The following ITPR3 variants were observed in gnomAD, a reference collection of about 807,000 sequenced individuals.
The protein encoded by ITPR3 is inositol 1,4,5-trisphosphate-gated calcium channel ITPR3.
Under a neutral mutation model 293.2 loss-of-function variants are expected in ITPR3, and 173 were observed. The ratio of observed to expected loss-of-function variants is 0.59; its 90% confidence interval spans 0.52 to 0.67. ITPR3 has a LOEUF of 0.67. Among genes scored for constraint, ITPR3 ranks in the 30% least tolerant of loss-of-function variants. The pLI is 0.00. For synonymous variants in ITPR3, 1,295 were observed against 1,444.4 expected (o/e 0.90, Z 2.35); for missense variants, 2,796 against 3,592.1 (o/e 0.78, Z 5.66).
Position 33,652,064 on chromosome 6 carries a change from C to T in ITPR3, c.161-3702C>T, listed in dbSNP as rs375563044. Among the ~76,000 whole-genome samples, 3 of 152,158 alleles carry T rather than the reference C, an allele frequency of 2.0e-5. No homozygotes were observed. The East Asian group carries it at 5.8e-4, about 29-fold the overall frequency. On this transcript the variant is annotated intron_variant, in intron 2 of 57. Coordinates refer to ENST00000605930, the MANE Select transcript of ITPR3 (RefSeq NM_002224.4). ...AGGACCTGTGGGCTCAGACACAGGG[C>T]CCTGCACCTCTCAGCCCTTCCGGTC...
At position 33,664,718 on chromosome 6, in the gene ITPR3, A is replaced by G; in HGVS notation, c.1149-152A>G. ...GTTCTTATCTGGCTTCAGCCTCCTC[A>G]TCTGGAGGGGCACCAGTGGCTCCTG... On this transcript the variant is annotated intron_variant, in intron 11 of 57. Coordinates refer to ENST00000605930, the MANE Select transcript of ITPR3 (RefSeq NM_002224.4). This position sits in a 1 kb window ranked among gnomAD's most constrained non-coding sequence, Gnocchi z 4.4. The G allele has an allele frequency of 1.5e-6, 1 of 680,224 alleles. No homozygotes were observed. The allele number at this position is 680,224 out of a possible 1,614,324, so 42.1% of individuals were successfully genotyped here.
Position 33,684,070 on chromosome 6 carries a change from G to T in ITPR3, c.4839G>T (p.Glu1613Asp). ...EERLKPLVQAELSVLVDVLHW... is the reference protein window; with the variant it reads ...EERLKPLVQADLSVLVDVLHW... ...GGCTGAAGCCCCTGGTACAGGCTGAGCTGTCCGTGCTGGTGGATGTCCTGC... is the reference window on the plus strand; with the variant it reads ...GGCTGAAGCCCCTGGTACAGGCTGATCTGTCCGTGCTGGTGGATGTCCTGC... Residue 1613 changes from glutamate to aspartate, a missense_variant, in exon 36 of 58, where the codon GAG becomes GAT. By Grantham distance (45) the Glu-to-Asp change is conservative. This residue lies in a region of ITPR3 where 704 missense variants were observed against 797.5 expected (regional missense o/e 0.88). Coordinates refer to ENST00000605930, the MANE Select transcript of ITPR3 (RefSeq NM_002224.4). The surrounding 1 kb of genome is among the most constrained non-coding windows in gnomAD (Gnocchi z 4.2). 1 of 1,611,550 alleles carries T rather than the reference G, an allele frequency of 6.2e-7. No homozygotes were observed.
At chr6:33,689,951 C>G in intron 50 of ITPR3, 83 bp from the exon 51 acceptor site, 3 of 1,535,958 alleles carry the variant, frequency 2.0e-6, no homozygotes, top group Non-Finnish European at 2.7e-6. Context: ...CTCCCAGGCT[C>G]TGAGCTGGGC....
In ITPR3 at chr6:33,692,241, C is replaced by T. The variant is rs1765415441; in HGVS notation, c.7458+313C>T. Among the ~76,000 whole-genome samples the T allele has an allele frequency of 6.6e-6, 1 of 152,258 alleles. No individual in the cohort carries two copies. Among genetic ancestry groups the T allele is most frequent in the Non-Finnish European group, 1.5e-5 (1 of 68,046 alleles). ...GAGGGCGGAGCTGAGTCAGCTTTAT[C>T]AGGAGGCCTCATGATTTGGCTTGGG... On this transcript the variant is annotated intron_variant, in intron 54 of 57. Coordinates refer to ENST00000605930, the MANE Select transcript of ITPR3 (RefSeq NM_002224.4). This position sits in a 1 kb window ranked among gnomAD's most constrained non-coding sequence, Gnocchi z 4.2.
At chr6:33,674,844 T>C (rs1261631320) in intron 24 of ITPR3, among the ~76,000 whole-genome samples, 2 of 152,238 alleles carry the variant, frequency 1.3e-5, no homozygotes, top group Non-Finnish European at 2.9e-5. Flanking sequence ...ATACGTAAAG[T>C]AGCGAGCTGC....
Position 33,638,129 on chromosome 6 carries a change from C to T in ITPR3, c.90-2355C>T, listed in dbSNP as rs970355384. On this transcript the variant is annotated intron_variant, in intron 1 of 57. Coordinates refer to ENST00000605930, the MANE Select transcript of ITPR3 (RefSeq NM_002224.4). This position sits in a 1 kb window ranked among gnomAD's most constrained non-coding sequence, Gnocchi z 4.3. ...CAAGCGATTCTTCTGCCTCAGCTTC[C>T]TGTGTAGCTGGGATTACAGGCGCGC... Among the ~76,000 whole-genome samples, 1 of 152,178 alleles carries T rather than the reference C, an allele frequency of 6.6e-6. No individual in the cohort carries two copies. The highest frequency in any genetic ancestry group is 1.5e-5 in the Non-Finnish European group (1 of 68,030).
At chr6:33,648,801 C>T (rs546086654) in intron 2 of ITPR3, among the ~76,000 whole-genome samples, 1 of 152,240 alleles carries the variant, frequency 6.6e-6, no homozygotes, top group South Asian at 2.1e-4. Context: ...CACCAAGTTG[C>T]CCAGGCTGGT....
rs1475916952 is a variant in ITPR3 at position 33,657,927 on chromosome 6, T to C, written c.283-5T>C. On this transcript the variant is annotated splice_polypyrimidine_tract_variant and splice_region_variant and intron_variant, in intron 3 of 57. Coordinates refer to ENST00000605930, the MANE Select transcript of ITPR3 (RefSeq NM_002224.4). ...CACCCTTCACTTCTGTGTGTGTCTGTGCAGCATGCGGCGCAGATGGAGCAG... is the reference window on the plus strand; with the variant it reads ...CACCCTTCACTTCTGTGTGTGTCTGCGCAGCATGCGGCGCAGATGGAGCAG... 10 of 1,612,902 alleles carry C rather than the reference T, an allele frequency of 6.2e-6. No individual in the cohort carries two copies. The highest frequency in any genetic ancestry group is 1.3e-5 in the African/African-American group (1 of 74,828).
In ITPR3 at chr6:33,691,257, C is replaced by T. The variant is rs990768293; in HGVS notation, c.7225+148C>T. 2.7e-6 allele frequency: 2 copies of T among 743,580 alleles called. No homozygotes were observed. Among genetic ancestry groups the T allele is most frequent in the African/African-American group, 1.8e-5 (1 of 56,652 alleles). 46.1% of individuals were successfully genotyped at this position (743,580 alleles called of 1,614,324 possible). ...GGCTTCTGGGGACGTCTAGCTAACACCAGTCTGCCTCGCTCTTTTCTGGAA... is the reference window on the plus strand; with the variant it reads ...GGCTTCTGGGGACGTCTAGCTAACATCAGTCTGCCTCGCTCTTTTCTGGAA... On this transcript the variant is annotated intron_variant, in intron 52 of 57. Transcript: ENST00000605930. This position sits in a 1 kb window ranked among gnomAD's most constrained non-coding sequence, Gnocchi z 4.9.
Position 33,684,374 on chromosome 6 carries a change from A to G in ITPR3, c.4955A>G (p.Lys1652Arg). The change falls in exon 37 of 58, where the codon AAG becomes AGG. Residue 1652 changes from lysine to arginine, a missense_variant. Lys to Arg is a conservative substitution (Grantham distance 26, BLOSUM62 2). Transcript: ENST00000605930. The surrounding 1 kb of genome is among the most constrained non-coding windows in gnomAD (Gnocchi z 4.2). ...CGGCTCAGGCTGATCCAGCACACCA[A>G]GGACCTCATGGAGTCGGAGGAGAAG... is the stretch of plus-strand genomic sequence containing the variant. ...GFLSKLIQHT[K>R]DLMESEEKLC... 6.2e-7 allele frequency: 1 copy of G among 1,613,990 alleles called. No individual in the cohort carries two copies. Among genetic ancestry groups the G allele is most frequent in the African/African-American group, 1.3e-5 (1 of 75,012 alleles).
intron 3 of ITPR3, 108 bp from the exon 4 acceptor site, chr6:33,657,824 T>G (rs1582125533): frequency 2.9e-6 from 1 of 344,298 alleles, no homozygotes. Flanking sequence ...ACTGTGTGTG[T>G]GTGTGTGTGT....
Position 33,692,637 on chromosome 6 carries a change from A to T in ITPR3, c.7459-91A>T. On this transcript the variant is annotated intron_variant, in intron 54 of 57. Transcript: ENST00000605930. This position sits in a 1 kb window ranked among gnomAD's most constrained non-coding sequence, Gnocchi z 4.2. ...CCTTCTGCTAGGGGCTGGGTCCTCA[A>T]TATCACAGCCCTGGCCCCAACCTGA... 3 of 1,333,822 alleles carry T rather than the reference A, an allele frequency of 2.2e-6. No homozygotes were observed. Among genetic ancestry groups the T allele is most frequent in the Non-Finnish European group, 1.0e-6 (1 of 961,320 alleles). 82.6% of individuals were successfully genotyped at this position (1,333,822 alleles called of 1,614,324 possible). A position where few individuals can be genotyped will look rare whatever the true frequency, so the allele number is the denominator to read the frequency against.
rs1765380695 is a variant in ITPR3 at position 33,691,242 on chromosome 6, G to A, written c.7225+133G>A. On this transcript the variant is annotated intron_variant, in intron 52 of 57. Transcript: ENST00000605930. The surrounding 1 kb of genome is among the most constrained non-coding windows in gnomAD (Gnocchi z 4.9). Reference sequence around the variant, plus strand: ...TCTGCTTCTCCTCTTGGCTTCTGGGGACGTCTAGCTAACACCAGTCTGCCT... The same window carrying A: ...TCTGCTTCTCCTCTTGGCTTCTGGGAACGTCTAGCTAACACCAGTCTGCCT... 1.2e-6 allele frequency: 1 copy of A among 837,320 alleles called. No individual in the cohort carries two copies. Among genetic ancestry groups the A allele is most frequent in the African/African-American group, 1.7e-5 (1 of 58,678 alleles). 51.9% of individuals were successfully genotyped at this position (837,320 alleles called of 1,614,324 possible).
In ITPR3 at chr6:33,693,697, A is replaced by G. The variant is rs1449914207; in HGVS notation, c.7777A>G (p.Met2593Val). The change falls in exon 56 of 58, where the codon ATG (methionine) becomes GTG (valine). Residue 2593 changes from methionine to valine, a missense_variant. Transcript: ENST00000605930. ...YTGPESYVAQMIKNKNLDWFP... is the reference protein window; with the variant it reads ...YTGPESYVAQVIKNKNLDWFP... ...GGGCCCTGAGAGCTACGTGGCCCAG[A>G]TGATCAAGGTGTGAGCAGGGGCTGT... is the stretch of plus-strand genomic sequence containing the variant. 3 of 1,614,002 alleles carry G rather than the reference A, an allele frequency of 1.9e-6. No homozygotes were observed. The highest frequency in any genetic ancestry group is 2.5e-6 in the Non-Finnish European group (3 of 1,179,994).
chr6:33,688,459 G>GCGCCCC, intron 48 of ITPR3, 28 bp downstream of exon 48: 2 of 440,066 alleles, frequency 4.5e-6, no homozygotes, highest in Non-Finnish European at 8.8e-6. Context: ...GGAGGGTGGG[G>GCGCCCC]CGGTCTGGAG....
At chr6:33,688,929 G>A (rs761299368) in intron 49 of ITPR3, 148 bp downstream of exon 49, 31 of 1,135,454 alleles carry the variant, frequency 2.7e-5, no homozygotes, top group South Asian at 2.0e-4. Flanking sequence ...GTGGGCTCTC[G>A]CCCCATCATG....
chr6:33,630,200 C>A (rs1763641942), intron 1 of ITPR3, among the ~76,000 whole-genome samples: 1 of 152,220 alleles, frequency 6.6e-6, no homozygotes, highest in South Asian at 2.1e-4. Context: ...TCCTTTTCCA[C>A]CATGAACACT....
Position 33,688,093 on chromosome 6 carries a change from A to G in ITPR3, c.6301A>G (p.Lys2101Glu). The change falls in exon 47 of 58, where the codon AAG (lysine) becomes GAG (glutamate). Residue 2101 changes from lysine to glutamate, a missense_variant. This residue lies in a region of ITPR3 where 568 missense variants were observed against 796.1 expected (regional missense o/e 0.71). Transcript: ENST00000605930. Reference protein sequence around the residue: ...LNNKQLSQMLKSSAPAQEEEE... With the variant: ...LNNKQLSQMLESSAPAQEEEE... Reference sequence around the variant, plus strand: ...CAACAAGCAGCTGTCACAGATGCTCAAGTCCTCAGCGCCAGCACAGGAGGA... The same window carrying G: ...CAACAAGCAGCTGTCACAGATGCTCGAGTCCTCAGCGCCAGCACAGGAGGA... 2 of 1,614,094 alleles carry G rather than the reference A, an allele frequency of 1.2e-6. No homozygotes were observed. The highest frequency in any genetic ancestry group is 1.7e-6 in the Non-Finnish European group (2 of 1,179,998).
Position 33,695,803 on chromosome 6 carries a change from C to T in ITPR3, c.*23C>T, listed in dbSNP as rs1561886961. 10 of 1,611,744 alleles carry T rather than the reference C, an allele frequency of 6.2e-6. No individual in the cohort carries two copies. Among genetic ancestry groups the T allele is most frequent in the East Asian group, 2.2e-5 (1 of 44,888 alleles). On this transcript the variant is annotated 3_prime_UTR_variant, in exon 58 of 58. Transcript: ENST00000605930. ...TGAGGAGAGCCACCGAAGGCCCCAACAGGGGATGCTCATCACTGGAGACTG... is the reference window on the plus strand; with the variant it reads ...TGAGGAGAGCCACCGAAGGCCCCAATAGGGGATGCTCATCACTGGAGACTG...
Sources: gnomAD v4.1 joint callset for allele counts (sites outside exome capture counted in the v4.1 genomes callset) on GRCh38, gnomAD v4.1.1 for gene constraint, gnomAD v4.1.1 regional missense constraint, Gnocchi (gnomAD v3.1) non-coding constraint, MANE v1.5 for transcripts, NCBI Gene and HGNC (gene_info 2026-07-23, HGNC 2026-07-21) for gene names.